Variants in WDR17 observed in about 807,000 individuals in gnomAD.
The protein encoded by WDR17 is WD repeat-containing protein 17.
In WDR17, 143 loss-of-function variants were observed where a neutral mutation model predicts 161.7. The observed-to-expected ratio is 0.88, with a 90% CI of 0.77 to 1.02. WDR17 has a LOEUF of 1.02. Ranked by LOEUF, WDR17 falls within the 50% of genes least tolerant of loss-of-function variation. The pLI, the probability that WDR17 is intolerant of heterozygous loss-of-function variation, is 0.00. For synonymous variants in WDR17, 517 were observed against 515.6 expected (o/e 1.00, Z -0.04); for missense variants, 1,469 against 1,520.9 (o/e 0.97, Z 0.57).
chr4:176,130,466 C>T (rs28656208), intron 6 of WDR17, among the ~76,000 whole-genome samples: 3,971 of 152,072 alleles, frequency 0.026, 146 homozygotes, highest in African/African-American at 0.082. Flanking sequence ...GAGAAATGGC[C>T]GGGCGCGGTG....
rs1157487273 is a variant in WDR17, at chr4:176,104,467, TTTGG to T, written c.-6-7102_-6-7099del. 1.9e-4 allele frequency among the ~76,000 whole-genome samples: 29 copies of T among 152,198 alleles called. No individual in the cohort carries two copies. The East Asian group carries it at 4.6e-3, about 24-fold the overall frequency. On this transcript the variant is annotated intron_variant, in intron 1 of 28. Coordinates refer to ENST00000508596, the MANE Select transcript of WDR17 (RefSeq NM_181265.4). The stretch of plus-strand genomic sequence containing the variant: ...AGTATACAAGTAGTATTATTGTAAC[TTTGG>T]TTGGTGATTCCACATTTTATTTTCT...
At chr4:176,127,439 G>A (rs1579122293) in intron 5 of WDR17, among the ~76,000 whole-genome samples, 1 of 152,034 alleles carries the variant, frequency 6.6e-6, no homozygotes, top group African/African-American at 2.4e-5. Context: ...TTGCACTGTG[G>A]TGCATGCCAC....
intron 12 of WDR17, among the ~76,000 whole-genome samples, chr4:176,147,796 T>TAA (rs386402388): frequency 1.3e-5 from 1 of 78,676 alleles, no homozygotes; most frequent in East Asian, 4.1e-4. Flanking sequence ...TTACTACCAG[T>TAA]AATGAGTAAA....
rs143144106 is a variant in WDR17 at position 176,101,480 on chromosome 4, C to T, written c.-6-10095C>T. Among the ~76,000 whole-genome samples the T allele has an allele frequency of 4.4e-3, 665 of 152,144 alleles. 5 individuals carry two copies. Among genetic ancestry groups the T allele is most frequent in the African/African-American group, 0.015 (617 of 41,508 alleles). The stretch of plus-strand genomic sequence containing the variant: ...AAAGCATCAGAACCAGAGTCAGATA[C>T]GACAGAAATGTTGGTATTATCAGAC... On this transcript the variant is annotated intron_variant, in intron 1 of 28. Coordinates refer to ENST00000508596, the MANE Select transcript of WDR17 (RefSeq NM_181265.4).
rs1751573272 is a variant in WDR17 at position 176,177,209 on chromosome 4, A to T, written c.3548+53A>T. 1.6e-5 allele frequency: 24 copies of T among 1,488,982 alleles called. No individual in the cohort carries two copies. The South Asian group carries it at 2.4e-4, about 15-fold the overall frequency. The allele number at this position is 1,488,982 out of a possible 1,614,324, so 92.2% of individuals were successfully genotyped here. On this transcript the variant is annotated intron_variant, in intron 27 of 28. Transcript: ENST00000508596. ...ATGCAGAAGGTATTTGATGTTATAG[A>T]CAAACTTGTTGGAAGTATGTGTGGT...
chr4:176,095,244 G>A (rs75551698), intron 1 of WDR17, among the ~76,000 whole-genome samples: 1,776 of 152,274 alleles, frequency 0.012, 19 homozygotes, highest in Non-Finnish European at 0.019. Context: ...TGAGCAGATA[G>A]GCAGGAACAA....
chr4:176,165,336 T>C (rs954702024), intron 22 of WDR17, among the ~76,000 whole-genome samples: 3 of 151,932 alleles, frequency 2.0e-5, no homozygotes, highest in Non-Finnish European at 2.9e-5. Context: ...GCCACTGCAC[T>C]CCAGCCTGGG....
At chr4:176,133,841 T>C (rs1211369047) in intron 7 of WDR17, among the ~76,000 whole-genome samples, 2 of 151,712 alleles carry the variant, frequency 1.3e-5, no homozygotes, top group Non-Finnish European at 3.0e-5. Context: ...ATTTGCTCCA[T>C]TAAAATTAAG....
intron 1 of WDR17, among the ~76,000 whole-genome samples, chr4:176,100,621 G>A (rs1043708724): frequency 6.6e-6 from 1 of 152,018 alleles, no homozygotes; most frequent in Non-Finnish European, 1.5e-5. Flanking sequence ...TGTTTTTGCT[G>A]CCTGTGCTTT....
In WDR17 at chr4:176,150,608, C is replaced by T. The variant is rs1746962545; in HGVS notation, c.2304+15C>T. The T allele has an allele frequency of 6.4e-7, 1 of 1,574,448 alleles. No homozygotes were observed. Among genetic ancestry groups the T allele is most frequent in the Non-Finnish European group, 8.6e-7 (1 of 1,165,234 alleles). On this transcript the variant is annotated intron_variant, in intron 16 of 28. Transcript: ENST00000508596. Reference sequence around the variant, plus strand: ...AATTTAGAACAGTGAGTAAAATATGCAAATATGATGTACTCAAGCAAATTT... The same window carrying T: ...AATTTAGAACAGTGAGTAAAATATGTAAATATGATGTACTCAAGCAAATTT...
rs750212457 is a variant in WDR17 at position 176,156,072 on chromosome 4, A to C, written c.2461-7A>C. 4.3e-6 allele frequency: 7 copies of C among 1,612,328 alleles called. No individual in the cohort carries two copies. Among genetic ancestry groups the C allele is most frequent in the Admixed American group, 1.7e-5 (1 of 59,664 alleles). ...TATGCTCCTGCCCTTTTTGCCTTCT[A>C]TTGTAGTGGGACAAAGCCCTGTCAA... On this transcript the variant is annotated splice_region_variant and splice_polypyrimidine_tract_variant and intron_variant, in intron 17 of 28. Coordinates refer to ENST00000508596, the MANE Select transcript of WDR17 (RefSeq NM_181265.4).
Position 176,115,798 on chromosome 4 carries a change from G to A in WDR17, c.126G>A (p.Leu42=). ...TTTATTTATATATTTTGTTTTAGTT[G>A]GATCACCGTTATAATGAATTCAAAC... is the stretch of plus-strand genomic sequence containing the variant. ...CATLAIYIYQ[L]DHRYNEFKLH... is the part of the protein sequence containing the mutation. Residue 42 remains leucine, a splice_region_variant and synonymous_variant, in exon 3 of 29, where the codon TTG becomes TTA. Transcript: ENST00000508596. 6.3e-7 allele frequency: 1 copy of A among 1,586,594 alleles called. No homozygotes were observed. Among genetic ancestry groups the A allele is most frequent in the Non-Finnish European group, 8.6e-7 (1 of 1,167,880 alleles).
chr4:176,127,726 A>G (rs1309874091), intron 5 of WDR17, among the ~76,000 whole-genome samples: 1 of 152,206 alleles, frequency 6.6e-6, no homozygotes, highest in Non-Finnish European at 1.5e-5. Context: ...AATTATTACC[A>G]CTATCTAATT....
chr4:176,069,901 T>G lies in WDR17; in HGVS notation c.-7+3822T>G, dbSNP rs115727559. On this transcript the variant is annotated intron_variant, in intron 1 of 28. Transcript: ENST00000508596. The stretch of plus-strand genomic sequence containing the variant: ...TTAATAAGAAATAGCTAACATTTAA[T>G]TAAGTTTGATTCTTTAAGATAAAAC... Among the ~76,000 whole-genome samples, 577 of 152,324 alleles carry G rather than the reference T, an allele frequency of 3.8e-3. 3 individuals carry two copies. Among genetic ancestry groups the G allele is most frequent in the African/African-American group, 0.013 (541 of 41,578 alleles).
At chr4:176,107,192 T>A (rs994528650) in intron 1 of WDR17, among the ~76,000 whole-genome samples, 6 of 151,878 alleles carry the variant, frequency 4.0e-5, no homozygotes, top group Non-Finnish European at 1.5e-5. Flanking sequence ...GAAAAGTTGC[T>A]CAACATTATT....
chr4:176,096,450 G>A, intron 1 of WDR17: 1 of 1,284,522 alleles, frequency 7.8e-7, no homozygotes, highest in South Asian at 1.3e-5. Context: ...GAAACACATT[G>A]TTGTTACTTT....
At chr4:176,175,829 G>A (rs926687406) in intron 26 of WDR17, among the ~76,000 whole-genome samples, 3 of 152,156 alleles carry the variant, frequency 2.0e-5, no homozygotes, top group Non-Finnish European at 4.4e-5. Context: ...AAAGTGCTGG[G>A]ATTACAGGCG....
intron 1 of WDR17, among the ~76,000 whole-genome samples, chr4:176,069,951 G>GAGT (rs1733013660): frequency 6.6e-6 from 1 of 152,112 alleles, no homozygotes; most frequent in Non-Finnish European, 1.5e-5. Flanking sequence ...TTAATGAAAA[G>GAGT]AGTTATGCAA....
At chr4:176,068,281 C>G (rs866522560) in intron 1 of WDR17, 1 of 152,022 alleles carries the variant, frequency 6.6e-6, no homozygotes, top group South Asian at 2.1e-4. Context: ...GAGATTTCAT[C>G]GAAATTATAT....
Sources: gnomAD v4.1 joint callset for allele counts (sites outside exome capture counted in the v4.1 genomes callset) on GRCh38, gnomAD v4.1.1 for gene constraint, MANE v1.5 for transcripts, NCBI Gene and HGNC (gene_info 2026-07-23, HGNC 2026-07-21) for gene names.